GPR158: variants seen among roughly 807,000 people sequenced by gnomAD.
The protein encoded by GPR158 is metabotropic glycine receptor.
In GPR158, 30 loss-of-function variants were observed where a neutral mutation model predicts 78.2. The observed-to-expected ratio is 0.38, with a 90% CI of 0.29 to 0.52. GPR158 has a LOEUF of 0.52. GPR158 is among the 20% of genes least tolerant of loss of function. The pLI, the probability that GPR158 is intolerant of heterozygous loss-of-function variation, is 0.83. For missense variants in GPR158, 1,463 were observed against 1,523.5 expected (o/e 0.96, Z 0.66); for synonymous variants, 581 against 591.1 (o/e 0.98, Z 0.25).
At chr10:25,484,595 G>A (rs1835707376) in intron 5 of GPR158, among the ~76,000 whole-genome samples, 2 of 152,194 alleles carry the variant, frequency 1.3e-5, no homozygotes, top group Admixed American at 1.3e-4. Context: ...GACAGTTTGA[G>A]TCGAAAGATA....
chr10:25,587,221 G>T (rs562250979), intron 7 of GPR158, among the ~76,000 whole-genome samples: 4 of 152,318 alleles, frequency 2.6e-5, no homozygotes, highest in Non-Finnish European at 4.4e-5. Flanking sequence ...AGGACTGATG[G>T]TTGGTTTCCT....
At chr10:25,348,901 TG>T (rs1211104720) in intron 2 of GPR158, among the ~76,000 whole-genome samples, 1 of 152,054 alleles carries the variant, frequency 6.6e-6, no homozygotes, top group Non-Finnish European at 1.5e-5. Flanking sequence ...AGTTCTACTT[TG>T]GAGCCTAAAG....
intron 5 of GPR158, among the ~76,000 whole-genome samples, chr10:25,495,955 A>T (rs140540769): frequency 5.2e-4 from 79 of 151,936 alleles, no homozygotes; most frequent in Non-Finnish European, 9.4e-4. Flanking sequence ...GAGAACAGGG[A>T]TGTCTCCTAA....
intron 5 of GPR158, among the ~76,000 whole-genome samples, chr10:25,550,488 G>T (rs536076967): frequency 6.6e-6 from 1 of 152,046 alleles, no homozygotes; most frequent in Non-Finnish European, 1.5e-5. Context: ...AATCGGCTCT[G>T]GGGGGAGAAT....
intron 5 of GPR158, among the ~76,000 whole-genome samples, chr10:25,473,483 G>T (rs1588879211): frequency 6.6e-6 from 1 of 152,160 alleles, no homozygotes; most frequent in Non-Finnish European, 1.5e-5. Flanking sequence ...ATGAGTTAGG[G>T]AGGATTCCCT....
intron 2 of GPR158, among the ~76,000 whole-genome samples, chr10:25,379,937 C>G (rs1403716265): frequency 6.7e-6 from 1 of 150,312 alleles, no homozygotes; most frequent in Non-Finnish European, 1.5e-5. Flanking sequence ...TTTGGCTTCA[C>G]ATAAGCTTTC....
chr10:25,522,574 A>G (rs1271177649), intron 5 of GPR158, among the ~76,000 whole-genome samples: 1 of 152,228 alleles, frequency 6.6e-6, no homozygotes, highest in Non-Finnish European at 1.5e-5. Context: ...AGGAAATTGC[A>G]TTTATGTAAT....
chr10:25,489,383 A>C (rs16925957), intron 5 of GPR158, among the ~76,000 whole-genome samples: 7,294 of 152,222 alleles, frequency 0.048, 478 homozygotes, highest in African/African-American at 0.15. Flanking sequence ...AGTTTTCTTC[A>C]ATCCACGAAG....
chr10:25,306,183 TTCCCTTA>T (rs918388612), intron 2 of GPR158, among the ~76,000 whole-genome samples: 1 of 152,180 alleles, frequency 6.6e-6, no homozygotes, highest in Non-Finnish European at 1.5e-5. Flanking sequence ...ACAAGATCAT[TTCCCTTA>T]TCGAGGATGT....
At chr10:25,318,338 T>C (rs1854892074) in intron 2 of GPR158, among the ~76,000 whole-genome samples, 2 of 152,144 alleles carry the variant, frequency 1.3e-5, no homozygotes, top group South Asian at 4.2e-4. Context: ...TCTAGAATGC[T>C]TTTTGGAGTC....
intron 2 of GPR158, among the ~76,000 whole-genome samples, chr10:25,246,141 C>T (rs1212356497): frequency 1.3e-5 from 2 of 152,112 alleles, no homozygotes; most frequent in Non-Finnish European, 2.9e-5. Context: ...AGTTTTTAAC[C>T]TACTCTGTCC....
chr10:25,281,974 G>T lies in GPR158; in HGVS notation c.1008+60817G>T, dbSNP rs146993589. On this transcript the variant is annotated intron_variant, in intron 2 of 10. Transcript: ENST00000376351. Reference sequence around the variant, plus strand: ...TTTCTTTTACCAATTTTACATTTACGTTTTAAATTTGCATAAACTAAAATT... The same window carrying T: ...TTTCTTTTACCAATTTTACATTTACTTTTTAAATTTGCATAAACTAAAATT... 3.4e-3 allele frequency among the ~76,000 whole-genome samples: 520 copies of T among 152,120 alleles called. 1 individual carries two copies. Among genetic ancestry groups the T allele is most frequent in the Middle Eastern group, 0.014 (4 of 294 alleles).
intron 5 of GPR158, among the ~76,000 whole-genome samples, chr10:25,532,484 T>G (rs1335661558): frequency 6.6e-6 from 1 of 152,194 alleles, no homozygotes; most frequent in Admixed American, 6.5e-5. Context: ...TGCATTTTTG[T>G]TTCTTTGTTG....
intron 5 of GPR158, among the ~76,000 whole-genome samples, chr10:25,491,301 T>C (rs893158072): frequency 4.6e-5 from 7 of 152,172 alleles, no homozygotes; most frequent in African/African-American, 7.2e-5. Flanking sequence ...ATATGAACAA[T>C]GATTTGTAAA....
At chr10:25,484,956 T>C (rs1588883396) in intron 5 of GPR158, among the ~76,000 whole-genome samples, 1 of 152,116 alleles carries the variant, frequency 6.6e-6, no homozygotes, top group African/African-American at 2.4e-5. Flanking sequence ...TTTAACAGTC[T>C]CTGGGAAACG....
intron 2 of GPR158, among the ~76,000 whole-genome samples, chr10:25,357,982 C>G (rs1855576382): frequency 6.6e-6 from 1 of 152,086 alleles, no homozygotes; most frequent in African/African-American, 2.4e-5. Flanking sequence ...CTTCTGAAGA[C>G]CATGGGAAAC....
At chr10:25,424,656 C>G (rs928511932) in intron 4 of GPR158, among the ~76,000 whole-genome samples, 6 of 151,810 alleles carry the variant, frequency 4.0e-5, no homozygotes, top group African/African-American at 9.7e-5. Context: ...TTCCCCATTT[C>G]TTGTTTTTGT....
chr10:25,350,242 A>G (rs1336125860), intron 2 of GPR158, among the ~76,000 whole-genome samples: 1 of 152,002 alleles, frequency 6.6e-6, no homozygotes, highest in Non-Finnish European at 1.5e-5. Context: ...ATGTATTGTG[A>G]ATATTCAGAA....
chr10:25,514,755 C>A (rs1029913778), intron 5 of GPR158, among the ~76,000 whole-genome samples: 7 of 152,072 alleles, frequency 4.6e-5, no homozygotes, highest in Non-Finnish European at 1.0e-4. Flanking sequence ...AACACTGTTT[C>A]TTTCCTTCAT....
Sources: gnomAD v4.1 joint callset for allele counts (sites outside exome capture counted in the v4.1 genomes callset) on GRCh38, gnomAD v4.1.1 for gene constraint, MANE v1.5 for transcripts, NCBI Gene and HGNC (gene_info 2026-07-23, HGNC 2026-07-21) for gene names.